The following SLC26A5 variants were observed in gnomAD, a reference collection of about 807,000 sequenced individuals.
SLC26A5 encodes the protein prestin.
Under a neutral mutation model 81.0 loss-of-function variants are expected in SLC26A5, and 51 were observed. The observed-to-expected ratio is 0.63, with a 90% CI of 0.50 to 0.80. SLC26A5 has a LOEUF of 0.80. Ranked by LOEUF, SLC26A5 falls within the 30% of genes least tolerant of loss-of-function variation. The pLI is 0.00. For synonymous variants in SLC26A5, 325 were observed against 332.8 expected (o/e 0.98, Z 0.25); for missense variants, 771 against 905.8 (o/e 0.85, Z 1.91).
At chr7:103,354,958 T>C (rs1819948307) in intron 19 of SLC26A5, 1 of 1,562,632 alleles carries the variant, frequency 6.4e-7, no homozygotes, top group Non-Finnish European at 8.8e-7. Flanking sequence ...TGGTATGTAT[T>C]TTTAAATTCC....
chr7:103,413,669 C>G (rs1343710461), intron 4 of SLC26A5, among the ~76,000 whole-genome samples: 1 of 152,148 alleles, frequency 6.6e-6, no homozygotes, highest in African/African-American at 2.4e-5. Context: ...TCATTACCTT[C>G]CAGTTACTCA....
Position 103,379,289 on chromosome 7 carries a change from A to G in SLC26A5, c.1631T>C (p.Ile544Thr). 1 of 1,611,810 alleles carries G rather than the reference A, an allele frequency of 6.2e-7. No homozygotes were observed. Among genetic ancestry groups the G allele is most frequent in the Admixed American group, 1.7e-5 (1 of 59,998 alleles). The change falls in exon 16 of 20, where the codon ATT becomes ACT. Residue 544 changes from isoleucine (I) to threonine (T), a missense_variant. Transcript: ENST00000306312. ...GIKIFQINAP[I>T]YYANSDLYSN... ...ATACAAGTCGCTATTTGCATAGTAAATTGGTGCATTTATTTGAAATATTTT... is the reference window on the plus strand; with the variant it reads ...ATACAAGTCGCTATTTGCATAGTAAGTTGGTGCATTTATTTGAAATATTTT...
chr7:103,389,196 CAT>C (rs1345388652), intron 13 of SLC26A5, 82 bp from the exon 14 acceptor site: 16 of 1,210,470 alleles, frequency 1.3e-5, no homozygotes, highest in South Asian at 2.4e-5. Context: ...CACACACACA[CAT>C]GCTACTTTTA....
rs565783069 is a variant in SLC26A5, at chr7:103,368,158, C to T, written c.2041+8650G>A. The T allele has an allele frequency of 3.9e-4, 397 of 1,009,530 alleles. 2 individuals carry two copies. Among genetic ancestry groups the T allele is most frequent in the East Asian group, 8.9e-4 (34 of 38,260 alleles). 62.5% of individuals were successfully genotyped at this position (1,009,530 alleles called of 1,614,324 possible). A position where few individuals can be genotyped will look rare whatever the true frequency, so the allele number is the denominator to read the frequency against. On this transcript the variant is annotated intron_variant, in intron 19 of 19. Coordinates refer to the SLC26A5 transcript ENST00000339444. ...AAATAAATGGCTTCAAAATTGTATG[C>T]TTTTTTCCATATCTCTTCTTGTAAT... is the stretch of plus-strand genomic sequence containing the variant.
At chr7:103,396,566 C>T (rs1215254894) in intron 9 of SLC26A5, among the ~76,000 whole-genome samples, 4 of 152,096 alleles carry the variant, frequency 2.6e-5, no homozygotes, top group Admixed American at 1.3e-4. Flanking sequence ...AAGTGAAATA[C>T]GCCAGTCACG....
intron 9 of SLC26A5, among the ~76,000 whole-genome samples, chr7:103,393,706 C>A (rs1822861810): frequency 6.6e-6 from 1 of 151,926 alleles, no homozygotes; most frequent in African/African-American, 2.4e-5. Flanking sequence ...AGTGTGACTC[C>A]TGGAATCCCA....
At chr7:103,405,288 T>C (rs1823951307) in intron 8 of SLC26A5, among the ~76,000 whole-genome samples, 1 of 152,202 alleles carries the variant, frequency 6.6e-6, no homozygotes, top group African/African-American at 2.4e-5. Context: ...ATTTTCAGCT[T>C]TTTGCATTGG....
At chr7:103,366,174 T>A in intron 19 of SLC26A5, 2 of 1,559,882 alleles carry the variant, frequency 1.3e-6, no homozygotes, top group Non-Finnish European at 1.8e-6. Context: ...GTGAGAATGA[T>A]ACGTTAGAGA....
intron 19 of SLC26A5, among the ~76,000 whole-genome samples, chr7:103,360,928 A>G (rs1242736445): frequency 6.6e-6 from 1 of 150,930 alleles, no homozygotes; most frequent in Non-Finnish European, 1.5e-5. Flanking sequence ...CCTGGCCAAC[A>G]TGGTGAAACC....
chr7:103,406,177 A>C (rs1206440521), intron 8 of SLC26A5, among the ~76,000 whole-genome samples: 1 of 152,102 alleles, frequency 6.6e-6, no homozygotes, highest in Non-Finnish European at 1.5e-5. Context: ...CCCCTTTCCA[A>C]GGGAGTGAAT....
intron 19 of SLC26A5, chr7:103,363,272 C>T: frequency 1.6e-6 from 2 of 1,222,120 alleles, no homozygotes; most frequent in Non-Finnish European, 2.4e-6. Flanking sequence ...GGTATTAGGT[C>T]TATTCTATTG....
In SLC26A5 at chr7:103,366,019, C is replaced by T. The variant is rs28605237; in HGVS notation, c.2041+10789G>A. On this transcript the variant is annotated intron_variant, in intron 19 of 19. Coordinates refer to the SLC26A5 transcript ENST00000339444. ...GAAAAGTTTGAAGCATAACTTTTTA[C>T]TTATTTTAAAATATTTTGAAACCAA... 3.1e-3 allele frequency: 4,165 copies of T among 1,361,508 alleles called. 106 individuals carry two copies. In the African/African-American group the frequency reaches 0.056, roughly 18 times the overall value. The allele number at this position is 1,361,508 out of a possible 1,614,324, so 84.3% of individuals were successfully genotyped here.
intron 5 of SLC26A5, among the ~76,000 whole-genome samples, chr7:103,412,169 G>T (rs1325852197): frequency 6.6e-6 from 1 of 152,206 alleles, no homozygotes; most frequent in African/African-American, 2.4e-5. Flanking sequence ...GATTGTTGTT[G>T]TAAAGCTGCT....
intron 8 of SLC26A5, among the ~76,000 whole-genome samples, chr7:103,403,827 C>A (rs970403392): frequency 1.3e-5 from 2 of 151,388 alleles, no homozygotes. Context: ...GACTCTTTAT[C>A]TAATTTGCCA....
At chr7:103,372,397 C>T (rs1333313071), downstream of SLC26A5, among the ~76,000 whole-genome samples, 1 of 152,170 alleles carries the variant, frequency 6.6e-6, no homozygotes, top group Non-Finnish European at 1.5e-5. Context: ...AACAAGATGT[C>T]AATAAGACAG....
intron 14 of SLC26A5, 67 bp from the exon 15 acceptor site, chr7:103,380,616 G>C: frequency 1.4e-6 from 2 of 1,415,130 alleles, no homozygotes; most frequent in South Asian, 2.3e-5. Flanking sequence ...AGGAGGTTGT[G>C]TATGTTTATG....
Position 103,391,752 on chromosome 7 carries a change from C to T in SLC26A5, c.1120-17G>A. On this transcript the variant is annotated splice_polypyrimidine_tract_variant and intron_variant, in intron 10 of 19. Coordinates refer to ENST00000306312, the MANE Select transcript of SLC26A5 (RefSeq NM_198999.3). ...AATGAGCTCCTTTCCCATGTAGAAA[C>T]AAAACACAAAAGAGATAGGTCATTC... The T allele has an allele frequency of 1.9e-6, 3 of 1,598,194 alleles. No individual in the cohort carries two copies. The highest frequency in any genetic ancestry group is 2.6e-6 in the Non-Finnish European group (3 of 1,167,204).
chr7:103,397,591 C>G (rs1183217349), intron 9 of SLC26A5, among the ~76,000 whole-genome samples: 1 of 148,656 alleles, frequency 6.7e-6, no homozygotes. Context: ...GTAGCATACG[C>G]CTGTAATCCC....
At chr7:103,433,699 C>CTTTTT (rs1826243040) in intron 2 of SLC26A5, 1 of 139,322 alleles carries the variant, frequency 7.2e-6, no homozygotes, top group African/African-American at 2.9e-5. Flanking sequence ...ATTTTTTTTT[C>CTTTTT]TTTCTTTTTT....
Sources: allele counts gnomAD v4.1 joint callset (sites outside exome capture counted in the v4.1 genomes callset), GRCh38; gene constraint gnomAD v4.1.1; transcripts MANE v1.5; gene names NCBI Gene and HGNC (gene_info 2026-07-23, HGNC 2026-07-21).